PPARA: variants seen among roughly 807,000 people sequenced by gnomAD.
PPARA encodes the protein peroxisome proliferator activated receptor alpha.
PPARA carries 22 observed loss-of-function variants against 42.2 expected under a neutral mutation model. The observed-to-expected ratio is 0.52, with a 90% confidence interval of 0.37 to 0.74. PPARA has a LOEUF of 0.74. PPARA is among the 30% of genes least tolerant of loss of function. The probability of loss-of-function intolerance (pLI) is 0.00; values close to 1 mark genes in which losing one functional copy is unlikely to be tolerated. For synonymous variants in PPARA, 242 were observed against 239.3 expected (o/e 1.01, Z -0.10); for missense variants, 465 against 608.2 (o/e 0.76, Z 2.48).
chr22:46,214,500 C>A (rs1379693398), intron 4 of PPARA, among the ~76,000 whole-genome samples: 4 of 126,390 alleles, frequency 3.2e-5, no homozygotes, highest in African/African-American at 1.2e-4. Context: ...ATGCGCGGGT[C>A]CGGAAATGTG....
rs775961941 is a variant in PPARA, at chr22:46,203,235, G to A, written c.208+4644G>A. ...TTATTTCTTATTTGTAAATTAGATC[G>A]TTCATATTTGTACCTAATCTGATCT... On this transcript the variant is annotated intron_variant, in intron 4 of 8. Transcript: ENST00000407236. The surrounding 1 kb of genome is among the most constrained non-coding windows in gnomAD (Gnocchi z 5.8). Among the ~76,000 whole-genome samples, 3 of 152,214 alleles carry A rather than the reference G, an allele frequency of 2.0e-5. No individual in the cohort carries two copies. The highest frequency in any genetic ancestry group is 6.5e-5 in the Admixed American group (1 of 15,276).
In PPARA at chr22:46,231,821, G is replaced by A. The variant is rs745555660; in HGVS notation, c.741G>A (p.Leu247=). 1 of 1,613,862 alleles carries A rather than the reference G, an allele frequency of 6.2e-7. No individual in the cohort carries two copies. The highest frequency in any genetic ancestry group is 2.2e-5 in the East Asian group (1 of 44,882). ...PPFVIHDMET[L]CMAEKTLVAK... ...TTGTCATACATGATATGGAGACACT[G>A]TGTATGGCTGAGAAGACGCTGGTGG... Residue 247 remains leucine (L), a synonymous_variant, in exon 8 of 9, where the codon CTG becomes CTA. Transcript: ENST00000407236. The surrounding 1 kb of genome is among the most constrained non-coding windows in gnomAD (Gnocchi z 7.7).
intron 7 of PPARA, among the ~76,000 whole-genome samples, chr22:46,220,926 G>T (rs1934949622): frequency 6.7e-6 from 1 of 149,288 alleles, no homozygotes; most frequent in South Asian, 2.1e-4. Context: ...CTGGGTGACA[G>T]ATCGAGACCC....
At chr22:46,208,901 T>TGTGTGTGTGTGTGTGC (rs749135546) in intron 4 of PPARA, among the ~76,000 whole-genome samples, 1 of 94,412 alleles carries the variant, frequency 1.1e-5, no homozygotes, top group East Asian at 2.9e-4. Flanking sequence ...ATAGTATTCG[T>TGTGTGTGTGTGTGTGC]GTGTGTGTGT....
chr22:46,172,777 CCT>C (rs1331930934), intron 2 of PPARA, among the ~76,000 whole-genome samples: 1 of 152,188 alleles, frequency 6.6e-6, no homozygotes, highest in Admixed American at 6.5e-5. Flanking sequence ...TCAGATAGAG[CCT>C]CCAGCTGGCA....
In PPARA at chr22:46,178,245, A is replaced by T. The variant is rs140620175; in HGVS notation, c.-43+1409A>T. Among the ~76,000 whole-genome samples the T allele has an allele frequency of 4.6e-4, 70 of 152,376 alleles. 1 individual carries two copies. The East Asian group carries it at 0.013, about 27-fold the overall frequency. On this transcript the variant is annotated intron_variant, in intron 3 of 8. Transcript: ENST00000407236. ...CATGAGTTTTAAACAATTAAGAAATATACTGGCTGTGGCCTTGTAACCAAA... is the reference window on the plus strand; with the variant it reads ...CATGAGTTTTAAACAATTAAGAAATTTACTGGCTGTGGCCTTGTAACCAAA...
chr22:46,197,568 A>T (rs1932422846), intron 3 of PPARA, among the ~76,000 whole-genome samples: 1 of 151,702 alleles, frequency 6.6e-6, no homozygotes, highest in South Asian at 2.1e-4. Flanking sequence ...TAGATGATGA[A>T]TTCAGGTGTA....
chr22:46,203,001 T>C lies in PPARA; in HGVS notation c.208+4410T>C, dbSNP rs1932921522. ...TACAAAAAGTGACCACACTGAAGCG[T>C]CCTGGTCACCCATCCCTGGTTTTGA... On this transcript the variant is annotated intron_variant, in intron 4 of 8. Coordinates refer to ENST00000407236, the MANE Select transcript of PPARA (RefSeq NM_005036.6). This position sits in a 1 kb window ranked among gnomAD's most constrained non-coding sequence, Gnocchi z 5.8. Among the ~76,000 whole-genome samples the C allele has an allele frequency of 6.6e-6, 1 of 152,144 alleles. No homozygotes were observed.
At position 46,225,288 on chromosome 22, in the gene PPARA, C is replaced by T. The variant is rs528324815; in HGVS notation, c.711+5274C>T. 2.6e-5 allele frequency among the ~76,000 whole-genome samples: 4 copies of T among 152,146 alleles called. No homozygotes were observed. Among genetic ancestry groups the T allele is most frequent in the Admixed American group, 6.5e-5 (1 of 15,288 alleles). On this transcript the variant is annotated intron_variant, in intron 7 of 8. Coordinates refer to ENST00000407236, the MANE Select transcript of PPARA (RefSeq NM_005036.6). This position sits in a 1 kb window ranked among gnomAD's most constrained non-coding sequence, Gnocchi z 4.1. ...AAGGGCGCCTCTGGGGAACTCACTG[C>T]CCCTTGATTTGAGGGTAACAGGGAT...
chr22:46,159,879 A>G (rs1925888018), intron 2 of PPARA, among the ~76,000 whole-genome samples: 1 of 152,196 alleles, frequency 6.6e-6, no homozygotes, highest in South Asian at 2.1e-4. Context: ...AGTGATGACT[A>G]ATGACACTGA....
chr22:46,205,548 ATATATATTTTTT>A (rs1933197051), intron 4 of PPARA, among the ~76,000 whole-genome samples: 2 of 29,420 alleles, frequency 6.8e-5, no homozygotes, highest in African/African-American at 3.4e-4. Context: ...ATATATATAT[ATATATATTTTTT>A]TTTTTTTTTT....
chr22:46,203,070 A>G lies in PPARA; in HGVS notation c.208+4479A>G, dbSNP rs78634373. 5.5e-3 allele frequency among the ~76,000 whole-genome samples: 829 copies of G among 152,034 alleles called. 6 individuals are homozygous for G. The highest frequency in any genetic ancestry group is 0.019 in the African/African-American group (800 of 41,502). ...GCAAGCGGGTGATAACCCATTTCTT[A>G]TTTCCCCCTCAGCATTTCCTCACTG... is the stretch of plus-strand genomic sequence containing the variant. On this transcript the variant is annotated intron_variant, in intron 4 of 8. Coordinates refer to ENST00000407236, the MANE Select transcript of PPARA (RefSeq NM_005036.6). The surrounding 1 kb of genome is among the most constrained non-coding windows in gnomAD (Gnocchi z 5.8).
rs1936334824 is a variant in PPARA at position 46,240,159 on chromosome 22, G to A, written c.*4779G>A. On this transcript the variant is annotated 3_prime_UTR_variant, in exon 9 of 9. Transcript: ENST00000407236. The surrounding 1 kb of genome is among the most constrained non-coding windows in gnomAD (Gnocchi z 6.0). ...CCTTTCAAAATGCAGATGCCACCAG[G>A]AGAACATGCCCACAGCTCACCACCT... The A allele has an allele frequency of 2.5e-6, 1 of 398,656 alleles. No individual in the cohort carries two copies. Among genetic ancestry groups the A allele is most frequent in the Admixed American group, 4.4e-5 (1 of 22,716 alleles). The allele number at this position is 398,656 out of a possible 1,614,324, so 24.7% of individuals were successfully genotyped here.
Position 46,220,159 on chromosome 22 carries a change from T to C in PPARA, c.711+145T>C, listed in dbSNP as rs1934885830. On this transcript the variant is annotated intron_variant, in intron 7 of 8. Coordinates refer to ENST00000407236, the MANE Select transcript of PPARA (RefSeq NM_005036.6). ...GGACAGCGAAGATGGAAACAGTTCA[T>C]TCTGAGACTCTGAGCTGTAGCTTAA... is the stretch of plus-strand genomic sequence containing the variant. The C allele has an allele frequency of 4.2e-6, 4 of 962,728 alleles. No homozygotes were observed. In the South Asian group the frequency reaches 5.6e-5, roughly 13 times the overall value. The allele number at this position is 962,728 out of a possible 1,614,324, so 59.6% of individuals were successfully genotyped here.
intron 7 of PPARA, chr22:46,220,655 A>C (rs1934928234): frequency 6.5e-6 from 1 of 154,136 alleles, no homozygotes; most frequent in South Asian, 2.0e-4. Flanking sequence ...AAAAAAAAAA[A>C]AACTGACCAG....
rs969260337 is a variant in PPARA at position 46,224,457 on chromosome 22, A to G, written c.711+4443A>G. On this transcript the variant is annotated intron_variant, in intron 7 of 8. Transcript: ENST00000407236. This position sits in a 1 kb window ranked among gnomAD's most constrained non-coding sequence, Gnocchi z 5.7. ...AAGCAACCCCATCTGTGGGCAAGAA[A>G]TCTGTTAGGGAGACCAAGCAGCGGC... Among the ~76,000 whole-genome samples, 12 of 152,234 alleles carry G rather than the reference A, an allele frequency of 7.9e-5. No homozygotes were observed. Among genetic ancestry groups the G allele is most frequent in the African/African-American group, 2.9e-4 (12 of 41,544 alleles).
Position 46,235,200 on chromosome 22 carries a change from A to G in PPARA, c.1227A>G (p.Arg409=). The change falls in exon 9 of 9, where the codon AGA becomes AGG. Residue 409 remains arginine (R), a synonymous_variant. Transcript: ENST00000407236. The surrounding 1 kb of genome is among the most constrained non-coding windows in gnomAD (Gnocchi z 7.0). ...KMQEGIVHVL[R]LHLQSNHPDD... is the part of the protein sequence containing the mutation. ...AGGAGGGTATTGTACATGTGCTCAG[A>G]CTCCACCTGCAGAGCAACCACCCGG... 6.2e-7 allele frequency: 1 copy of G among 1,613,878 alleles called. No individual in the cohort carries two copies. The highest frequency in any genetic ancestry group is 8.5e-7 in the Non-Finnish European group (1 of 1,179,916).
In PPARA at chr22:46,219,788, T is replaced by C; in HGVS notation, c.509-24T>C. Reference sequence around the variant, plus strand: ...CAGTCATGACCTCACTGCTCATGCCTGTGTTTCCCCCTCCAAACCCTAGCG... The same window carrying C: ...CAGTCATGACCTCACTGCTCATGCCCGTGTTTCCCCCTCCAAACCCTAGCG... On this transcript the variant is annotated intron_variant, in intron 6 of 8. Transcript: ENST00000407236. The surrounding 1 kb of genome is among the most constrained non-coding windows in gnomAD (Gnocchi z 4.8). 6.2e-7 allele frequency: 1 copy of C among 1,613,100 alleles called. No homozygotes were observed. Among genetic ancestry groups the C allele is most frequent in the Non-Finnish European group, 8.5e-7 (1 of 1,179,196 alleles).
At position 46,165,040 on chromosome 22, in the gene PPARA, T is replaced by A. The variant is rs933982423; in HGVS notation, c.-126-11713T>A. 1 of 143,602 alleles carries A rather than the reference T, an allele frequency of 7.0e-6. No homozygotes were observed. The highest frequency in any genetic ancestry group is 7.2e-5 in the Admixed American group (1 of 13,840). 8.9% of individuals were successfully genotyped at this position (143,602 alleles called of 1,614,324 possible). A position where few individuals can be genotyped will look rare whatever the true frequency, so the allele number is the denominator to read the frequency against. The stretch of plus-strand genomic sequence containing the variant: ...TACATTTTTATTTATTTTCATTTGT[T>A]TATTTATTTATTTGAGACAGAGTTT... On this transcript the variant is annotated intron_variant, in intron 2 of 8. Transcript: ENST00000407236. This position sits in a 1 kb window ranked among gnomAD's most constrained non-coding sequence, Gnocchi z 5.5.
Sources: allele counts gnomAD v4.1 joint callset (sites outside exome capture counted in the v4.1 genomes callset), GRCh38; gene constraint gnomAD v4.1.1; non-coding constraint Gnocchi (gnomAD v3.1); transcripts MANE v1.5; gene names NCBI Gene and HGNC (gene_info 2026-07-23, HGNC 2026-07-21).